The following STRN3 variants were observed in gnomAD, a reference collection of about 807,000 sequenced individuals.
STRN3 encodes striatin 3, also known as striatin-3.
A neutral mutation model predicts 95.6 loss-of-function variants in STRN3; 29 were observed. The observed-to-expected ratio is 0.30, with a 90% CI of 0.23 to 0.41. The LOEUF (loss-of-function observed/expected upper bound fraction) is 0.41. STRN3 is among the 10% of genes least tolerant of loss of function. The pLI is 1.00. For missense variants in STRN3, 890 were observed against 972.1 expected (o/e 0.92, Z 1.12); for synonymous variants, 331 against 357.6 (o/e 0.93, Z 0.84).
chr14:30,956,128 G>A lies in STRN3; in HGVS notation c.386+11C>T. 1 of 1,602,324 alleles carries A rather than the reference G, an allele frequency of 6.2e-7. No individual in the cohort carries two copies. Among genetic ancestry groups the A allele is most frequent in the Non-Finnish European group, 8.5e-7 (1 of 1,170,036 alleles). ...CTACTTTATTCATGTAACAAAATGA[G>A]GCACACATACCTTTCTTGTTTTAAT... On this transcript the variant is annotated intron_variant, in intron 2 of 17. Coordinates refer to ENST00000357479, the MANE Select transcript of STRN3 (RefSeq NM_001083893.2).
At position 30,954,916 on chromosome 14, in the gene STRN3, G is replaced by GAA. The variant is rs57188044; in HGVS notation, c.460+702_460+703dup. Among the ~76,000 whole-genome samples, 545 of 119,916 alleles carry GAA rather than the reference G, an allele frequency of 4.5e-3. 2 individuals are homozygous for GAA. Among genetic ancestry groups the GAA allele is most frequent in the African/African-American group, 0.016 (508 of 32,584 alleles). 78.7% of individuals were successfully genotyped at this position (119,916 alleles called of 152,430 possible). ...CCATACTGGAAATAAAATGAGTCAA[G>GAA]AAAAAAAAAAAAAAGCTCTGAATTC... On this transcript the variant is annotated intron_variant, in intron 3 of 17. Transcript: ENST00000357479.
chr14:30,991,927 TA>T (rs11411363), intron 1 of STRN3, among the ~76,000 whole-genome samples: 75 of 142,262 alleles, frequency 5.3e-4, no homozygotes, highest in East Asian at 1.0e-3. Context: ...CTCTATTCTT[TA>T]AAAAAAAAAA....
chr14:30,946,775 C>T (rs551046479), intron 5 of STRN3, among the ~76,000 whole-genome samples: 39 of 152,010 alleles, frequency 2.6e-4, no homozygotes, highest in African/African-American at 8.2e-4. Context: ...GTCAGGAGTT[C>T]GCAACCAGCC....
At chr14:30,950,662 T>C (rs1426529251) in intron 4 of STRN3, among the ~76,000 whole-genome samples, 2 of 152,146 alleles carry the variant, frequency 1.3e-5, no homozygotes, top group Admixed American at 6.5e-5. Flanking sequence ...CATTCTACCC[T>C]GCAAGTAAGA....
intron 8 of STRN3, among the ~76,000 whole-genome samples, chr14:30,925,953 G>A: frequency 6.6e-6 from 1 of 152,082 alleles, no homozygotes; most frequent in Non-Finnish European, 1.5e-5. Flanking sequence ...ACCTTTTCAT[G>A]TAAAATTATA....
chr14:31,002,379 G>C (rs179702), intron 1 of STRN3, among the ~76,000 whole-genome samples: 1 of 150,274 alleles, frequency 6.7e-6, no homozygotes, highest in Non-Finnish European at 1.5e-5. Context: ...GGCTAAGGCA[G>C]GAGAATTGCT....
At chr14:30,951,043 AT>A in intron 3 of STRN3, 99 bp from the exon 4 acceptor site, 1 of 999,346 alleles carries the variant, frequency 1.0e-6, no homozygotes, top group Non-Finnish European at 1.5e-6. Flanking sequence ...AAACATACCT[AT>A]TTTATAAAGG....
intron 1 of STRN3, among the ~76,000 whole-genome samples, chr14:30,967,069 G>A (rs146794514): frequency 2.5e-3 from 373 of 152,170 alleles, no homozygotes; most frequent in African/African-American, 8.4e-3. Context: ...CACAAGGTGA[G>A]ACATCCCTGG....
intron 5 of STRN3, among the ~76,000 whole-genome samples, chr14:30,939,255 T>C (rs932100845): frequency 6.6e-6 from 1 of 152,166 alleles, no homozygotes; most frequent in African/African-American, 2.4e-5. Flanking sequence ...CTTAAATAGA[T>C]AGTCCAGAAT....
intron 5 of STRN3, among the ~76,000 whole-genome samples, chr14:30,945,388 A>AG (rs1879312013): frequency 6.6e-6 from 1 of 152,064 alleles, no homozygotes; most frequent in Admixed American, 6.6e-5. Flanking sequence ...AAGGCCAATG[A>AG]GGGCGGACTG....
intron 1 of STRN3, among the ~76,000 whole-genome samples, chr14:30,981,184 G>T (rs934881974): frequency 6.6e-6 from 1 of 150,764 alleles, no homozygotes; most frequent in East Asian, 2.0e-4. Flanking sequence ...GCATGACGGT[G>T]TGCACCTGTA....
intron 3 of STRN3, among the ~76,000 whole-genome samples, chr14:30,953,305 T>C (rs1879744391): frequency 6.6e-6 from 1 of 152,204 alleles, no homozygotes. Context: ...CTCCAGTCAC[T>C]AGCCACTCCA....
rs781389426 is a variant in STRN3, at chr14:30,911,034, T to G, written c.1720+7A>C. ...TAAAAAAAATACATTTTGATCATTT[T>G]ACTTACCATATGTATCATATGGATC... is the stretch of plus-strand genomic sequence containing the variant. On this transcript the variant is annotated splice_region_variant and intron_variant, in intron 13 of 17. Coordinates refer to ENST00000357479, the MANE Select transcript of STRN3 (RefSeq NM_001083893.2). 2 of 1,604,516 alleles carry G rather than the reference T, an allele frequency of 1.2e-6. No individual in the cohort carries two copies. Among genetic ancestry groups the G allele is most frequent in the South Asian group, 1.1e-5 (1 of 89,644 alleles).
At position 30,911,277 on chromosome 14, in the gene STRN3, ATG is replaced by A. The variant is rs1196301550; in HGVS notation, c.1599-117_1599-116del. On this transcript the variant is annotated intron_variant, in intron 12 of 17. Coordinates refer to ENST00000357479, the MANE Select transcript of STRN3 (RefSeq NM_001083893.2). ...TATCTAAAAACTGTTTTAAGAGAAC[ATG>A]TACACCTGACTGGTACTTTTTTTTT... 4 of 1,080,412 alleles carry A rather than the reference ATG, an allele frequency of 3.7e-6. No homozygotes were observed. In the African/African-American group the frequency reaches 6.6e-5, roughly 18 times the overall value. The allele number at this position is 1,080,412 out of a possible 1,614,324, so 66.9% of individuals were successfully genotyped here.
chr14:31,016,691 C>T (rs1180875808), intron 1 of STRN3, among the ~76,000 whole-genome samples: 1 of 152,094 alleles, frequency 6.6e-6, no homozygotes, highest in Non-Finnish European at 1.5e-5. Flanking sequence ...ATTACAGGCA[C>T]GTGCCAGCAC....
chr14:30,976,861 G>C (rs57980607), intron 1 of STRN3, among the ~76,000 whole-genome samples: 1,611 of 152,278 alleles, frequency 0.011, 34 homozygotes, highest in African/African-American at 0.036. Context: ...AGGCCAAGGT[G>C]GGGAGATTAC....
intron 15 of STRN3, 138 bp from the exon 16 acceptor site, chr14:30,902,781 A>T: frequency 1.6e-6 from 1 of 610,822 alleles, no homozygotes; most frequent in Admixed American, 3.5e-5. Context: ...CTGAGAACCA[A>T]ACAAGGACTC....
At chr14:30,977,221 T>C (rs961183278) in intron 1 of STRN3, among the ~76,000 whole-genome samples, 1 of 151,992 alleles carries the variant, frequency 6.6e-6, no homozygotes, top group Non-Finnish European at 1.5e-5. Context: ...AGCGAAACTC[T>C]GTTTCAAAAT....
At chr14:30,920,222 A>C (rs934256018) in intron 8 of STRN3, among the ~76,000 whole-genome samples, 1 of 152,314 alleles carries the variant, frequency 6.6e-6, no homozygotes, top group East Asian at 1.9e-4. Context: ...TATTGGTCCT[A>C]TTTTACAGTA....
Sources: allele counts gnomAD v4.1 joint callset (sites outside exome capture counted in the v4.1 genomes callset), GRCh38; gene constraint gnomAD v4.1.1; transcripts MANE v1.5; gene names NCBI Gene and HGNC (gene_info 2026-07-23, HGNC 2026-07-21).